Variants in SLCO1B1 observed in about 807,000 individuals in gnomAD.
The protein encoded by SLCO1B1 is solute carrier organic anion transporter family member 1B1.
SLCO1B1 carries 81 observed loss-of-function variants against 70.1 expected under a neutral mutation model. The observed-to-expected ratio is 1.16, with a 90% CI of 0.97 to 1.39. The LOEUF (loss-of-function observed/expected upper bound fraction) is 1.39. SLCO1B1 is among the 40% of genes most tolerant of loss of function. The pLI is 0.00. For missense variants in SLCO1B1, 895 were observed against 799.6 expected (o/e 1.12, Z -1.44); for synonymous variants, 283 against 271.5 (o/e 1.04, Z -0.42).
chr12:21,170,734 TTA>T (rs1402737616), intron 2 of SLCO1B1, among the ~76,000 whole-genome samples: 4 of 152,234 alleles, frequency 2.6e-5, no homozygotes, highest in Admixed American at 6.5e-5. Flanking sequence ...TTTAAAACTT[TTA>T]GTTATCTCTA....
intron 14 of SLCO1B1, among the ~76,000 whole-genome samples, chr12:21,233,786 C>CTGCACAGTAGCA (rs1247571206): frequency 6.6e-6 from 1 of 152,146 alleles, no homozygotes; most frequent in Admixed American, 6.5e-5. Flanking sequence ...CAGCACCCTG[C>CTGCACAGTAGCA]CAGTAGAGAC....
At chr12:21,188,237 T>G (rs1282878219) in intron 7 of SLCO1B1, among the ~76,000 whole-genome samples, 2 of 152,138 alleles carry the variant, frequency 1.3e-5, no homozygotes, top group African/African-American at 4.8e-5. Context: ...TTCCACCTCT[T>G]CTACCCTAGT....
At chr12:21,185,131 A>G (rs1295180189) in intron 7 of SLCO1B1, among the ~76,000 whole-genome samples, 5 of 152,112 alleles carry the variant, frequency 3.3e-5, no homozygotes. Context: ...TAGAGACCTA[A>G]GGAAACTAAA....
At chr12:21,141,357 G>C (rs189701426) in intron 1 of SLCO1B1, among the ~76,000 whole-genome samples, 157 bp from the exon 2 acceptor site, 19 of 151,778 alleles carry the variant, frequency 1.3e-4, no homozygotes, top group African/African-American at 4.3e-4. Flanking sequence ...TCCTACTTTT[G>C]TTTCCAGCAT....
intron 2 of SLCO1B1, among the ~76,000 whole-genome samples, chr12:21,156,659 G>A (rs930781416): frequency 6.6e-6 from 1 of 152,000 alleles, no homozygotes; most frequent in Non-Finnish European, 1.5e-5. Flanking sequence ...AACAATGTAG[G>A]TTTATAAACA....
At chr12:21,178,862 A>G (rs1940855993) in intron 6 of SLCO1B1, 60 bp from the exon 7 acceptor site, 14 of 1,406,502 alleles carry the variant, frequency 1.0e-5, no homozygotes, top group Non-Finnish European at 1.4e-5. Flanking sequence ...TTTTAAAAAC[A>G]TGGTGAATAA....
At chr12:21,231,485 G>C (rs1941537453) in intron 14 of SLCO1B1, among the ~76,000 whole-genome samples, 1 of 151,928 alleles carries the variant, frequency 6.6e-6, no homozygotes, top group Admixed American at 6.6e-5. Flanking sequence ...TCGTCTGTTA[G>C]AAATGAACTT....
intron 11 of SLCO1B1, among the ~76,000 whole-genome samples, chr12:21,214,015 C>T (rs1343955612): frequency 6.6e-6 from 1 of 151,802 alleles, no homozygotes; most frequent in Non-Finnish European, 1.5e-5. Context: ...TTTGAATGTC[C>T]TCCTGTAGCT....
At chr12:21,221,751 A>G (rs1941426015) in intron 12 of SLCO1B1, among the ~76,000 whole-genome samples, 2 of 152,106 alleles carry the variant, frequency 1.3e-5, no homozygotes, top group Non-Finnish European at 2.9e-5. Flanking sequence ...CTAAAAAGTC[A>G]AAAAGCAAGA....
At chr12:21,137,724 G>A (rs1940246374) in intron 1 of SLCO1B1, among the ~76,000 whole-genome samples, 1 of 152,154 alleles carries the variant, frequency 6.6e-6, no homozygotes, top group Non-Finnish European at 1.5e-5. Flanking sequence ...CAATTTTCCA[G>A]GTGCCGTCTG....
intron 10 of SLCO1B1, 96 bp from the exon 11 acceptor site, chr12:21,205,770 CTT>C: frequency 1.1e-6 from 1 of 912,894 alleles, no homozygotes; most frequent in South Asian, 1.8e-5. Flanking sequence ...TTTTTTCCCT[CTT>C]TCTCTGCTTT....
intron 3 of SLCO1B1, among the ~76,000 whole-genome samples, chr12:21,173,255 T>A (rs1465882379): frequency 6.6e-6 from 1 of 152,184 alleles, no homozygotes; most frequent in Non-Finnish European, 1.5e-5. Context: ...ATACTGAAGA[T>A]ATTTTGTTGT....
At chr12:21,213,651 G>C (rs1249989326) in intron 11 of SLCO1B1, among the ~76,000 whole-genome samples, 1 of 135,032 alleles carries the variant, frequency 7.4e-6, no homozygotes, top group Non-Finnish European at 1.6e-5. Flanking sequence ...ATAATATCCT[G>C]CAGAGTGTTT....
chr12:21,183,397 T>C (rs1940929076), intron 7 of SLCO1B1, among the ~76,000 whole-genome samples: 1 of 152,190 alleles, frequency 6.6e-6, no homozygotes, highest in South Asian at 2.1e-4. Flanking sequence ...GGGTTTTCCA[T>C]GTTGCCCAGG....
intron 1 of SLCO1B1, among the ~76,000 whole-genome samples, chr12:21,138,963 TC>T (rs1473131403): frequency 6.6e-6 from 1 of 152,094 alleles, no homozygotes; most frequent in East Asian, 1.9e-4. Flanking sequence ...GTTAAAGGGA[TC>T]TTTGAAAGAT....
Position 21,178,969 on chromosome 12 carries a change from C to A in SLCO1B1, c.676C>A (p.Leu226Met). ...AMIGPIIGFTLGSLFSKMYVD... is the reference protein window; with the variant it reads ...AMIGPIIGFTMGSLFSKMYVD... ...GATTGGTCCAATCATTGGCTTTACC[C>A]TGGGATCTCTGTTTTCTAAAATGTA... The change falls in exon 7 of 15, where the codon CTG (leucine) becomes ATG (methionine). Residue 226 changes from leucine (L) to methionine (M), a missense_variant. Transcript: ENST00000256958. The A allele has an allele frequency of 1.2e-6, 2 of 1,612,104 alleles. No individual in the cohort carries two copies. The highest frequency in any genetic ancestry group is 1.7e-6 in the Non-Finnish European group (2 of 1,178,636).
At chr12:21,135,393 A>G (rs1490228996) in intron 1 of SLCO1B1, among the ~76,000 whole-genome samples, 2 of 151,996 alleles carry the variant, frequency 1.3e-5, no homozygotes, top group Non-Finnish European at 2.9e-5. Flanking sequence ...TATCCTTGTT[A>G]ACTTTCTGTC....
At chr12:21,209,474 T>C (rs1941253919) in intron 11 of SLCO1B1, among the ~76,000 whole-genome samples, 1 of 152,170 alleles carries the variant, frequency 6.6e-6, no homozygotes, top group South Asian at 2.1e-4. Context: ...GACATTTGGG[T>C]GGGTTCCAAG....
chr12:21,186,668 CAAAA>C (rs1179086995), intron 7 of SLCO1B1, among the ~76,000 whole-genome samples: 9 of 149,880 alleles, frequency 6.0e-5, no homozygotes, highest in Admixed American at 4.0e-4. Context: ...TTGTAAAAAA[CAAAA>C]AAAGGGAAAA....
Sources: gnomAD v4.1 joint callset for allele counts (sites outside exome capture counted in the v4.1 genomes callset) on GRCh38, gnomAD v4.1.1 for gene constraint, MANE v1.5 for transcripts, NCBI Gene and HGNC (gene_info 2026-07-23, HGNC 2026-07-21) for gene names.